Variants in BCL2 observed in about 807,000 individuals in gnomAD.
BCL2 encodes BCL2 apoptosis regulator.
In BCL2, 1 loss-of-function variant was observed where a neutral mutation model predicts 14.2. The observed-to-expected ratio is 0.07, with a 90% CI of 0.02 to 0.33. BCL2 has a LOEUF of 0.33. Among genes scored for constraint, BCL2 ranks in the 10% least tolerant of loss-of-function variants. BCL2 has a pLI of 0.99. For synonymous variants in BCL2, 151 were observed against 137.2 expected (o/e 1.10, Z -0.70); for missense variants, 247 against 305.9 (o/e 0.81, Z 1.44).
chr18:63,192,027 A>G (rs965542123), intron 2 of BCL2, among the ~76,000 whole-genome samples: 1 of 152,210 alleles, frequency 6.6e-6, no homozygotes, highest in Non-Finnish European at 1.5e-5. Flanking sequence ...CAGGGTGCTC[A>G]CCTAGGGCTT....
chr18:63,192,413 T>C (rs1259996047), intron 2 of BCL2, among the ~76,000 whole-genome samples: 1 of 152,116 alleles, frequency 6.6e-6, no homozygotes, highest in East Asian at 1.9e-4. Flanking sequence ...GCGAAGGCAG[T>C]GTAAGATTTT....
At position 63,126,427 on chromosome 18, in the gene BCL2, T is replaced by A; in HGVS notation, c.*2198A>T. The A allele has an allele frequency of 4.4e-6, 1 of 226,082 alleles. No homozygotes were observed. The highest frequency in any genetic ancestry group is 8.8e-6 in the Non-Finnish European group (1 of 113,304). 14.0% of individuals were successfully genotyped at this position (226,082 alleles called of 1,614,324 possible). A position where few individuals can be genotyped will look rare whatever the true frequency, so the allele number is the denominator to read the frequency against. On this transcript the variant is annotated 3_prime_UTR_variant, in exon 3 of 3. Transcript: ENST00000333681. ...ATTTGAATCTGCTGGTCATTTGCCATCTGGATTTTTAACTGAATGAATCTC... is the reference window on the plus strand; with the variant it reads ...ATTTGAATCTGCTGGTCATTTGCCAACTGGATTTTTAACTGAATGAATCTC...
intron 2 of BCL2, among the ~76,000 whole-genome samples, chr18:63,159,873 T>A (rs547463172): frequency 6.6e-6 from 1 of 152,336 alleles, no homozygotes; most frequent in South Asian, 2.1e-4. Flanking sequence ...GCGTACGCAT[T>A]TCTTAGTTTC....
At chr18:63,182,764 G>C (rs891790931) in intron 2 of BCL2, among the ~76,000 whole-genome samples, 2 of 152,172 alleles carry the variant, frequency 1.3e-5, no homozygotes, top group African/African-American at 2.4e-5. Context: ...AAAAAATTTT[G>C]CATAGAGTTC....
intron 2 of BCL2, among the ~76,000 whole-genome samples, chr18:63,273,746 C>T (rs967247714): frequency 6.6e-6 from 1 of 152,146 alleles, no homozygotes; most frequent in African/African-American, 2.4e-5. Flanking sequence ...CCACCCCTCA[C>T]AAAGCCTCAC....
At chr18:63,198,617 G>GAC (rs1303364222) in intron 2 of BCL2, among the ~76,000 whole-genome samples, 2 of 127,008 alleles carry the variant, frequency 1.6e-5, no homozygotes, top group Admixed American at 1.6e-4. Flanking sequence ...GACACACACT[G>GAC]ACACACAGAC....
Position 63,201,379 on chromosome 18 carries a change from A to G in BCL2, c.586-72620T>C, listed in dbSNP as rs563034691. Among the ~76,000 whole-genome samples, 13 of 152,358 alleles carry G rather than the reference A, an allele frequency of 8.5e-5. No individual in the cohort carries two copies. In the East Asian group the frequency reaches 2.3e-3, roughly 27 times the overall value. On this transcript the variant is annotated intron_variant, in intron 2 of 2. Transcript: ENST00000333681. Reference sequence around the variant, plus strand: ...CCTCCCTTTTCCCACCGCCCCTAATAGAAAGTACCTTGGGGGAATCTCCTT... The same window carrying G: ...CCTCCCTTTTCCCACCGCCCCTAATGGAAAGTACCTTGGGGGAATCTCCTT...
intron 2 of BCL2, among the ~76,000 whole-genome samples, chr18:63,312,284 G>A (rs1222561159): frequency 6.6e-6 from 1 of 152,196 alleles, no homozygotes; most frequent in Non-Finnish European, 1.5e-5. Context: ...GGTAGGGGAT[G>A]GTCACAGGGG....
At chr18:63,279,037 C>T (rs1322868726) in intron 2 of BCL2, among the ~76,000 whole-genome samples, 2 of 152,154 alleles carry the variant, frequency 1.3e-5, no homozygotes, top group African/African-American at 4.8e-5. Flanking sequence ...ATTCATATAA[C>T]TCAATTCCAG....
intron 2 of BCL2, chr18:63,315,091 T>TA (rs1913455716): frequency 6.6e-6 from 1 of 152,196 alleles, no homozygotes; most frequent in African/African-American, 2.4e-5. Flanking sequence ...CCAAGGATGG[T>TA]AGCCAGCATC....
chr18:63,205,502 A>C (rs1355868115), intron 2 of BCL2, among the ~76,000 whole-genome samples: 1 of 152,208 alleles, frequency 6.6e-6, no homozygotes, highest in Non-Finnish European at 1.5e-5. Context: ...CCTAGCTTCT[A>C]TCTGTACACA....
At chr18:63,197,511 A>G (rs1486307870) in intron 2 of BCL2, among the ~76,000 whole-genome samples, 1 of 152,170 alleles carries the variant, frequency 6.6e-6, no homozygotes, top group Non-Finnish European at 1.5e-5. Context: ...TTTCAGTGAC[A>G]ATCCTCTGGT....
At chr18:63,157,793 C>G (rs546435626) in intron 2 of BCL2, among the ~76,000 whole-genome samples, 1 of 152,264 alleles carries the variant, frequency 6.6e-6, no homozygotes, top group East Asian at 1.9e-4. Context: ...ACTGCTCCCG[C>G]AGGAGTTTAT....
chr18:63,308,133 A>G (rs1010148385), intron 2 of BCL2, among the ~76,000 whole-genome samples: 5 of 152,212 alleles, frequency 3.3e-5, no homozygotes, highest in East Asian at 1.9e-4. Flanking sequence ...TGCCAGGCCA[A>G]TGGTTTTATG....
At chr18:63,139,264 A>C (rs1222692773) in intron 2 of BCL2, among the ~76,000 whole-genome samples, 1 of 152,224 alleles carries the variant, frequency 6.6e-6, no homozygotes, top group Non-Finnish European at 1.5e-5. Context: ...ATAGGTGGAG[A>C]AATGCATTTA....
intron 2 of BCL2, among the ~76,000 whole-genome samples, chr18:63,144,778 C>T (rs952004902): frequency 2.0e-5 from 3 of 152,136 alleles, no homozygotes; most frequent in Admixed American, 6.5e-5. Context: ...CGGTGTATGC[C>T]GTCAGGGGTG....
intron 2 of BCL2, among the ~76,000 whole-genome samples, chr18:63,225,365 T>C (rs973629078): frequency 6.6e-6 from 1 of 152,156 alleles, no homozygotes; most frequent in Admixed American, 6.6e-5. Flanking sequence ...GGTTAAGATA[T>C]ACATAAAATT....
chr18:63,267,417 G>T lies in BCL2; in HGVS notation c.585+50665C>A, dbSNP rs76771548. Among the ~76,000 whole-genome samples the T allele has an allele frequency of 1.5e-3, 227 of 152,270 alleles. 1 individual carries two copies. Among genetic ancestry groups the T allele is most frequent in the African/African-American group, 5.1e-3 (213 of 41,538 alleles). On this transcript the variant is annotated intron_variant, in intron 2 of 2. Coordinates refer to ENST00000333681, the MANE Select transcript of BCL2 (RefSeq NM_000633.3). ...ATGGAGTGGGGAAGACACAAAGGAG[G>T]TGCAGTCAGCTGGGCTGTTTGACCT...
chr18:63,136,030 T>C (rs1914199488), intron 2 of BCL2, among the ~76,000 whole-genome samples: 1 of 152,142 alleles, frequency 6.6e-6, no homozygotes, highest in Admixed American at 6.5e-5. Context: ...CTTCCGTGAC[T>C]CTGCTCCCTT....
Sources: allele counts gnomAD v4.1 joint callset (sites outside exome capture counted in the v4.1 genomes callset), GRCh38; gene constraint gnomAD v4.1.1; transcripts MANE v1.5; gene names NCBI Gene and HGNC (gene_info 2026-07-23, HGNC 2026-07-21).